Variants in AHCTF1 observed in about 807,000 individuals in gnomAD.
The protein encoded by AHCTF1 is AT-hook containing transcription factor 1.
In AHCTF1, 24 loss-of-function variants were observed where a neutral mutation model predicts 248.4. That is an observed-to-expected ratio of 0.10 (90% CI 0.07 to 0.14). The LOEUF is 0.14. Among genes scored for constraint, AHCTF1 ranks in the 10% least tolerant of loss-of-function variants. The pLI is 1.00. For missense variants in AHCTF1, 2,206 were observed against 2,636.2 expected, an observed-to-expected ratio of 0.84 and a Z score of 3.57; for synonymous variants, 786 against 929.8, an observed-to-expected ratio of 0.85 and a Z score of 2.81.
At chr1:246,877,977 C>T (rs1663098948) in intron 21 of AHCTF1, among the ~76,000 whole-genome samples, 1 of 151,666 alleles carries the variant, frequency 6.6e-6, no homozygotes, top group South Asian at 2.1e-4. Flanking sequence ...ACAGGATTAT[C>T]TTGAAGGTTC....
At chr1:246,910,684 A>T (rs1665739194) in intron 4 of AHCTF1, among the ~76,000 whole-genome samples, 1 of 152,144 alleles carries the variant, frequency 6.6e-6, no homozygotes, top group African/African-American at 2.4e-5. Context: ...GCAAGAGCAG[A>T]TTCTCTCATT....
chr1:246,905,057 T>C (rs996894931), intron 6 of AHCTF1, among the ~76,000 whole-genome samples: 2 of 152,216 alleles, frequency 1.3e-5, no homozygotes, highest in African/African-American at 4.8e-5. Context: ...TAACTCAGAA[T>C]TATTCAAGCA....
At chr1:246,894,804 C>T in intron 13 of AHCTF1, 56 bp from the exon 14 acceptor site, 1 of 1,476,422 alleles carries the variant, frequency 6.8e-7, no homozygotes, top group Non-Finnish European at 9.4e-7. Context: ...AAACAGAGTT[C>T]TAAATTGTTG....
intron 33 of AHCTF1, among the ~76,000 whole-genome samples, chr1:246,845,809 CAA>C (rs1660216438): frequency 6.6e-6 from 1 of 152,078 alleles, no homozygotes; most frequent in Non-Finnish European, 1.5e-5. Context: ...TCTGGAAATT[CAA>C]AGAGAGCTCT....
Position 246,890,018 on chromosome 1 carries a change from C to T in AHCTF1, c.2092G>A (p.Val698Ile). ...QLSRLCYNYP[V>I]IQNYYTSRRQ... Reference sequence around the variant, plus strand: ...CGACTGGTGTAGTAGTTCTGAATTACAGGGTAGTTGTAGCATAACCTTGAC... The same window carrying T: ...CGACTGGTGTAGTAGTTCTGAATTATAGGGTAGTTGTAGCATAACCTTGAC... The change falls in exon 17 of 36, where the codon GTA becomes ATA. Residue 698 changes from valine (V) to isoleucine (I), a missense_variant. Physicochemically the swap from Val to Ile is conservative, Grantham distance 29. Transcript: ENST00000648844. 1.2e-6 allele frequency: 2 copies of T among 1,612,916 alleles called. No homozygotes were observed. Among genetic ancestry groups the T allele is most frequent in the South Asian group, 2.2e-5 (2 of 90,982 alleles).
intron 26 of AHCTF1, 69 bp downstream of exon 26, chr1:246,867,175 T>A: frequency 1.3e-6 from 1 of 762,844 alleles, no homozygotes. Context: ...ATGTTAAAGA[T>A]AATTAAAAAT....
Position 246,876,146 on chromosome 1 carries a change from T to G in AHCTF1, c.2979A>C (p.Arg993=), listed in dbSNP as rs749891546. The change falls in exon 24 of 36, where the codon CGA becomes CGC. Residue 993 remains arginine, a synonymous_variant. Coordinates refer to ENST00000648844, the MANE Select transcript of AHCTF1 (RefSeq NM_001323342.2). ...TTCCATACTGGTCTAATATAGAATT[T>G]CGAGCCAGTGATCTCTCCCGCAAAC... ...DPRLRERSLA[R]NSILDQYGKI... 1.2e-6 allele frequency: 2 copies of G among 1,604,924 alleles called. No homozygotes were observed. The highest frequency in any genetic ancestry group is 2.2e-5 in the South Asian group (2 of 89,712).
At chr1:246,862,746 T>C (rs991123443) in intron 27 of AHCTF1, among the ~76,000 whole-genome samples, 10 of 152,188 alleles carry the variant, frequency 6.6e-5, no homozygotes, top group Admixed American at 4.6e-4. Context: ...AATTATAGAA[T>C]TATACAAATC....
intron 33 of AHCTF1, among the ~76,000 whole-genome samples, chr1:246,844,918 GACTT>G (rs1483785992): frequency 6.6e-6 from 1 of 151,712 alleles, no homozygotes; most frequent in African/African-American, 2.4e-5. Context: ...CCAGCTTCTG[GACTT>G]ACTGTGAGAC....
At position 246,839,454 on chromosome 1, in the gene AHCTF1, G is replaced by C; in HGVS notation, c.*1352C>G. 7.8e-6 allele frequency: 6 copies of C among 770,022 alleles called. No individual in the cohort carries two copies. The highest frequency in any genetic ancestry group is 9.5e-6 in the Non-Finnish European group (6 of 633,782). 47.7% of individuals were successfully genotyped at this position (770,022 alleles called of 1,614,324 possible). On this transcript the variant is annotated 3_prime_UTR_variant, in exon 36 of 36. Transcript: ENST00000648844. ...TGACAAGCAGCTTAAATACAAGTTTGATAACTATCATTAAAAAAGTAATAA... is the reference window on the plus strand; with the variant it reads ...TGACAAGCAGCTTAAATACAAGTTTCATAACTATCATTAAAAAAGTAATAA...
intron 15 of AHCTF1, 127 bp downstream of exon 15, chr1:246,891,652 C>T (rs990528998): frequency 2.1e-5 from 21 of 978,436 alleles, no homozygotes; most frequent in Non-Finnish European, 2.9e-5. Flanking sequence ...AACAAAAACC[C>T]TAGCACTGGA....
chr1:246,840,860 G>A lies in AHCTF1; in HGVS notation c.6747C>T (p.Asn2249=). 6.2e-7 allele frequency: 1 copy of A among 1,610,770 alleles called. No homozygotes were observed. The highest frequency in any genetic ancestry group is 8.5e-7 in the Non-Finnish European group (1 of 1,179,088). Residue 2249 remains asparagine, a synonymous_variant, in exon 36 of 36, where the codon AAC becomes AAT. Coordinates refer to ENST00000648844, the MANE Select transcript of AHCTF1 (RefSeq NM_001323342.2). ...TEVTGTGLGR[N]RKKLSSYPKQ... is the part of the protein sequence containing the mutation. The stretch of plus-strand genomic sequence containing the variant: ...TTGGATAGGAAGACAGTTTCTTTCT[G>A]TTCCTTCCAAGACCTGTTCCTGTCA...
chr1:246,888,826 T>C (rs571671165), intron 17 of AHCTF1, among the ~76,000 whole-genome samples: 1 of 152,182 alleles, frequency 6.6e-6, no homozygotes, highest in East Asian at 1.9e-4. Context: ...AGGAGGATCG[T>C]TGGAGCCCAG....
At chr1:246,901,724 G>A (rs1383277288) in intron 8 of AHCTF1, among the ~76,000 whole-genome samples, 1 of 152,180 alleles carries the variant, frequency 6.6e-6, no homozygotes, top group Non-Finnish European at 1.5e-5. Flanking sequence ...AGACCGAGAT[G>A]GGAGAATTGG....
intron 24 of AHCTF1, among the ~76,000 whole-genome samples, chr1:246,868,846 GT>G (rs563383895): frequency 0.3 from 38,257 of 128,376 alleles, 4,610 homozygotes; most frequent in African/African-American, 0.35. Flanking sequence ...TGTGTTTTTT[GT>G]TTTTTTTTTT....
chr1:246,847,222 G>A (rs1316434925), intron 33 of AHCTF1, among the ~76,000 whole-genome samples: 1 of 151,550 alleles, frequency 6.6e-6, no homozygotes, highest in Non-Finnish European at 1.5e-5. Flanking sequence ...TCAGGAGGCG[G>A]AGGTTGCAGT....
intron 8 of AHCTF1, among the ~76,000 whole-genome samples, chr1:246,902,268 C>G (rs954386123): frequency 6.6e-6 from 1 of 152,174 alleles, no homozygotes; most frequent in Non-Finnish European, 1.5e-5. Flanking sequence ...CACACTAGTT[C>G]AGACTAGGGA....
chr1:246,853,074 A>AAATT lies in AHCTF1; in HGVS notation c.4563+13_4563+16dup, dbSNP rs767470861. The stretch of plus-strand genomic sequence containing the variant: ...ACTGAAAGACTGATAAAGAAGTAAA[A>AAATT]AATTAATTTTTTTTACATGAATTTC... On this transcript the variant is annotated intron_variant, in intron 32 of 35. Transcript: ENST00000648844. 1.1e-5 allele frequency: 18 copies of AAATT among 1,594,258 alleles called. No individual in the cohort carries two copies. Among genetic ancestry groups the AAATT allele is most frequent in the Non-Finnish European group, 1.5e-5 (18 of 1,169,244 alleles).
At chr1:246,841,936 C>A (rs1313600704) in intron 35 of AHCTF1, among the ~76,000 whole-genome samples, 1 of 151,272 alleles carries the variant, frequency 6.6e-6, no homozygotes, top group African/African-American at 2.4e-5. Flanking sequence ...CTACAGGCAC[C>A]CACCACCACG....
Sources: gnomAD v4.1 joint callset for allele counts (sites outside exome capture counted in the v4.1 genomes callset) on GRCh38, gnomAD v4.1.1 for gene constraint, MANE v1.5 for transcripts, NCBI Gene and HGNC (gene_info 2026-07-23, HGNC 2026-07-21) for gene names.